WDR36: variants seen among roughly 807,000 people sequenced by gnomAD.
WDR36 encodes WD repeat-containing protein 36.
A neutral mutation model predicts 112.7 loss-of-function variants in WDR36; 63 were observed. The ratio of observed to expected loss-of-function variants is 0.56; its 90% CI spans 0.46 to 0.69. WDR36 has a LOEUF of 0.69. Ranked by LOEUF, WDR36 falls within the 30% of genes least tolerant of loss-of-function variation. WDR36 has a pLI of 0.00. For synonymous variants in WDR36, 410 were observed against 362.2 expected, an observed-to-expected ratio of 1.13 and a Z score of -1.50; for missense variants, 1,226 against 1,070.3, an observed-to-expected ratio of 1.15 and a Z score of -2.03.
intron 4 of WDR36, among the ~76,000 whole-genome samples, chr5:111,099,744 A>C (rs1580391639): frequency 6.6e-6 from 1 of 152,104 alleles, no homozygotes; most frequent in Admixed American, 6.6e-5. Context: ...ATCTCTTAAA[A>C]TAGCATTCAA....
intron 6 of WDR36, among the ~76,000 whole-genome samples, chr5:111,103,382 T>C (rs1753160044): frequency 1.3e-5 from 2 of 151,844 alleles, no homozygotes; most frequent in Admixed American, 6.6e-5. Context: ...TCCTTTGTAA[T>C]TGGTTACATG....
In WDR36 at chr5:111,110,142, A is replaced by G. The variant is rs531407287; in HGVS notation, c.1327-47A>G. 14 of 1,353,188 alleles carry G rather than the reference A, an allele frequency of 1.0e-5. No homozygotes were observed. The East Asian group carries it at 3.0e-4, about 29-fold the overall frequency. The allele number at this position is 1,353,188 out of a possible 1,614,324, so 83.8% of individuals were successfully genotyped here. A position where few individuals can be genotyped will look rare whatever the true frequency, so the allele number is the denominator to read the frequency against. ...AATGCTTTGGAAAGCATAAAGTGCA[A>G]TAAAAATGTTAGTTATTTTGTCATT... On this transcript the variant is annotated intron_variant, in intron 12 of 22. Transcript: ENST00000513710.
At chr5:111,096,267 T>C (rs533191321) in intron 2 of WDR36, among the ~76,000 whole-genome samples, 3 of 152,146 alleles carry the variant, frequency 2.0e-5, no homozygotes, top group Non-Finnish European at 4.4e-5. Context: ...AGAAACAATA[T>C]TGTCTTTAAA....
At position 111,125,777 on chromosome 5, in the gene WDR36, C is replaced by G; in HGVS notation, c.2520C>G (p.Tyr840Ter). 2 of 1,613,780 alleles carry G rather than the reference C, an allele frequency of 1.2e-6. No homozygotes were observed. Among genetic ancestry groups the G allele is most frequent in the Non-Finnish European group, 1.7e-6 (2 of 1,179,778 alleles). Residue 840 changes from tyrosine (Y) to a stop codon, truncating the protein, a stop_gained, in exon 22 of 23, where the codon TAC (tyrosine) becomes TAG (stop). Coordinates refer to ENST00000513710, the MANE Select transcript of WDR36 (RefSeq NM_139281.3). LOFTEE classifies it high-confidence loss of function. The part of the protein sequence containing the change: ...RKRDFELAQA[Y>*]LALFLKLHLK... The stretch of plus-strand genomic sequence containing the variant: ...GTGATTTTGAGTTAGCCCAGGCATA[C>G]CTTGCATTGTTTCTAAAGGTAAGTC...
chr5:111,121,696 C>G (rs1281297368), intron 19 of WDR36, among the ~76,000 whole-genome samples: 1 of 151,998 alleles, frequency 6.6e-6, no homozygotes, highest in African/African-American at 2.4e-5. Flanking sequence ...GCCCCTTTGT[C>G]CTTGAGGAAT....
chr5:111,096,310 G>A (rs79221418), intron 2 of WDR36, among the ~76,000 whole-genome samples: 2 of 152,190 alleles, frequency 1.3e-5, no homozygotes, highest in African/African-American at 4.8e-5. Context: ...AATACCATAT[G>A]TAATATTTTT....
intron 12 of WDR36, among the ~76,000 whole-genome samples, chr5:111,109,715 A>G (rs976352107): frequency 6.6e-6 from 1 of 151,412 alleles, no homozygotes; most frequent in African/African-American, 2.4e-5. Flanking sequence ...TGTCTTATAT[A>G]TTTCCTTCCT....
At chr5:111,126,095 A>G (rs1753674441) in intron 22 of WDR36, among the ~76,000 whole-genome samples, 2 of 152,152 alleles carry the variant, frequency 1.3e-5, no homozygotes, top group South Asian at 4.1e-4. Context: ...ACTCAACTGC[A>G]CAATAATTTT....
chr5:111,117,378 A>G (rs17624321), intron 16 of WDR36, among the ~76,000 whole-genome samples: 37,980 of 152,052 alleles, frequency 0.25, 5,760 homozygotes, highest in Non-Finnish European at 0.34. Flanking sequence ...CAAGCAACTT[A>G]ATGCCTCCCA....
intron 15 of WDR36, among the ~76,000 whole-genome samples, chr5:111,111,831 AC>A (rs1753347598): frequency 6.6e-6 from 1 of 151,944 alleles, no homozygotes; most frequent in African/African-American, 2.4e-5. Context: ...ATTAAAAAGA[AC>A]TTTTAAAATA....
At chr5:111,104,477 A>G in intron 8 of WDR36, 125 bp downstream of exon 8, 1 of 1,448,968 alleles carries the variant, frequency 6.9e-7, no homozygotes, top group South Asian at 1.2e-5. Flanking sequence ...AGATATTGGT[A>G]TAGATGAAAC....
chr5:111,116,354 A>T (rs901680395), intron 16 of WDR36, among the ~76,000 whole-genome samples: 3 of 152,158 alleles, frequency 2.0e-5, no homozygotes, highest in East Asian at 1.9e-4. Flanking sequence ...GGAGAATTAC[A>T]TGAGAATAAT....
At position 111,092,422 on chromosome 5, in the gene WDR36, G is replaced by C; in HGVS notation, c.-35G>C. The C allele has an allele frequency of 6.2e-7, 1 of 1,614,240 alleles. No homozygotes were observed. Among genetic ancestry groups the C allele is most frequent in the East Asian group, 2.2e-5 (1 of 44,888 alleles). On this transcript the variant is annotated 5_prime_UTR_variant, in exon 1 of 23. Transcript: ENST00000513710. ...GGACTGGGTACGTGTTTTCCTTCAG[G>C]ACCAGAGCTGAGAGGAGCTGGGATC...
intron 19 of WDR36, 104 bp downstream of exon 19, chr5:111,121,245 A>G (rs1005427165): frequency 2.9e-5 from 35 of 1,223,670 alleles, no homozygotes; most frequent in Non-Finnish European, 4.1e-5. Flanking sequence ...TAGAAGAGCA[A>G]TTAATATGTA....
At chr5:111,096,794 T>C (rs778455590) in intron 2 of WDR36, among the ~76,000 whole-genome samples, 16 of 152,158 alleles carry the variant, frequency 1.1e-4, no homozygotes, top group Non-Finnish European at 2.4e-4. Context: ...TTTTTCCAAA[T>C]AACCTCAAAA....
chr5:111,117,113 AT>A (rs1477507811), intron 16 of WDR36, among the ~76,000 whole-genome samples: 1 of 152,144 alleles, frequency 6.6e-6, no homozygotes, highest in African/African-American at 2.4e-5. Flanking sequence ...CTTTTCCCCA[AT>A]TCTCTTGATT....
At position 111,113,054 on chromosome 5, in the gene WDR36, T is replaced by TATATATATATATATATA. The variant is rs33919278; in HGVS notation, c.1717-20_1717-19insATATATATATATATATA. On this transcript the variant is annotated intron_variant, in intron 15 of 22. Coordinates refer to ENST00000513710, the MANE Select transcript of WDR36 (RefSeq NM_139281.3). ...ATAAATAATATATATATATATATAT[T>TATATATATATATATATA]TTTTTTTTTTAATTTAAAGGCTTTT... The TATATATATATATATATA allele has an allele frequency of 1.1e-4, 30 of 278,046 alleles. No homozygotes were observed. The highest frequency in any genetic ancestry group is 1.4e-4 in the Non-Finnish European group (26 of 180,248). 17.2% of individuals were successfully genotyped at this position (278,046 alleles called of 1,614,324 possible). A position where few individuals can be genotyped will look rare whatever the true frequency, so the allele number is the denominator to read the frequency against.
chr5:111,097,008 A>G (rs1188948928), intron 2 of WDR36, 71 bp from the exon 3 acceptor site: 5 of 1,021,916 alleles, frequency 4.9e-6, no homozygotes, highest in African/African-American at 3.2e-5. Context: ...GAAAAATGTT[A>G]TATGTATACT....
intron 13 of WDR36, 146 bp downstream of exon 13, chr5:111,110,449 T>C: frequency 1.4e-6 from 1 of 729,440 alleles, no homozygotes. Context: ...GATACTGCAA[T>C]TGTATCATAA....
Sources: gnomAD v4.1 joint callset for allele counts (sites outside exome capture counted in the v4.1 genomes callset) on GRCh38, gnomAD v4.1.1 for gene constraint, MANE v1.5 for transcripts, NCBI Gene and HGNC (gene_info 2026-07-23, HGNC 2026-07-21) for gene names.